The following CAMK1D variants were observed in gnomAD, a reference collection of about 807,000 sequenced individuals.
The protein encoded by CAMK1D is calcium/calmodulin dependent protein kinase ID.
In CAMK1D, 9 loss-of-function variants were observed where a neutral mutation model predicts 47.7. The observed-to-expected ratio is 0.19, with a 90% CI of 0.11 to 0.33. CAMK1D has a LOEUF of 0.33. CAMK1D is among the 10% of genes least tolerant of loss of function. The pLI is 1.00. For missense variants in CAMK1D, 291 were observed against 488.7 expected, an observed-to-expected ratio of 0.60 and a Z score of 3.81; for synonymous variants, 184 against 184.9, an observed-to-expected ratio of 0.99 and a Z score of 0.04.
intron 1 of CAMK1D, among the ~76,000 whole-genome samples, chr10:12,453,664 G>T (rs568582120): frequency 1.3e-5 from 2 of 152,270 alleles, no homozygotes; most frequent in African/African-American, 2.4e-5. Context: ...GGAAACTTTC[G>T]TTGAAATATA....
chr10:12,732,646 G>A (rs1235940678), intron 3 of CAMK1D, among the ~76,000 whole-genome samples: 1 of 150,812 alleles, frequency 6.6e-6, no homozygotes, highest in Non-Finnish European at 1.5e-5. Flanking sequence ...AGGAAAGATG[G>A]GCCCCCATTA....
intron 1 of CAMK1D, among the ~76,000 whole-genome samples, chr10:12,385,530 A>G (rs1838466494): frequency 6.6e-6 from 1 of 152,218 alleles, no homozygotes; most frequent in Non-Finnish European, 1.5e-5. Context: ...TTCCATTTAT[A>G]TAAAATATCC....
intron 2 of CAMK1D, among the ~76,000 whole-genome samples, chr10:12,639,277 G>C (rs1388628510): frequency 6.6e-6 from 1 of 152,168 alleles, no homozygotes; most frequent in Non-Finnish European, 1.5e-5. Flanking sequence ...CCGAGGTCAG[G>C]CGTTCAAGAC....
Position 12,608,069 on chromosome 10 carries a change from A to AT in CAMK1D, c.224+54714dup, listed in dbSNP as rs370737887. On this transcript the variant is annotated intron_variant, in intron 2 of 10. Transcript: ENST00000619168. Reference sequence around the variant, plus strand: ...TATATTTTTGGGAAAGTGAGATTTAATAAAAACAGATTCATCAAAGAAAAT... The same window carrying AT: ...TATATTTTTGGGAAAGTGAGATTTAATTAAAAACAGATTCATCAAAGAAAAT... Among the ~76,000 whole-genome samples, 300 of 152,350 alleles carry AT rather than the reference A, an allele frequency of 2.0e-3. 1 individual carries two copies. The highest frequency in any genetic ancestry group is 7.1e-3 in the African/African-American group (294 of 41,582).
At chr10:12,721,460 T>G (rs1373102996) in intron 3 of CAMK1D, among the ~76,000 whole-genome samples, 1 of 152,202 alleles carries the variant, frequency 6.6e-6, no homozygotes, top group Non-Finnish European at 1.5e-5. Flanking sequence ...ATCCATGGTA[T>G]TAGATGGCTC....
In CAMK1D at chr10:12,573,831, C is replaced by CTTTTTTTTTTTTTTTTTTTTTT. The variant is rs34038018; in HGVS notation, c.224+20479_224+20500dup. Among the ~76,000 whole-genome samples, 6 of 64,090 alleles carry CTTTTTTTTTTTTTTTTTTTTTT rather than the reference C, an allele frequency of 9.4e-5. 2 individuals are homozygous for CTTTTTTTTTTTTTTTTTTTTTT. Among genetic ancestry groups the CTTTTTTTTTTTTTTTTTTTTTT allele is most frequent in the African/African-American group, 3.3e-4 (6 of 18,456 alleles). The allele number at this position is 64,090 out of a possible 152,430, so 42.0% of individuals were successfully genotyped here. ...CACCATGCCTGGCTTATTAAAAAAA[C>CTTTTTTTTTTTTTTTTTTTTTT]TTTTTTTTTTTTTTTTTTTTTTTTT... On this transcript the variant is annotated intron_variant, in intron 2 of 10. Coordinates refer to ENST00000619168, the MANE Select transcript of CAMK1D (RefSeq NM_153498.4).
chr10:12,498,692 T>G (rs6602591), intron 1 of CAMK1D, among the ~76,000 whole-genome samples: 74,334 of 151,830 alleles, frequency 0.49, 19,229 homozygotes, highest in East Asian at 0.8. Flanking sequence ...GGAGTTGGGT[T>G]GTGGGGAGTG....
Position 12,823,707 on chromosome 10 carries a change from C to T in CAMK1D, c.834-758C>T, listed in dbSNP as rs116438675. Among the ~76,000 whole-genome samples, 352 of 152,054 alleles carry T rather than the reference C, an allele frequency of 2.3e-3. 1 individual carries two copies. Among genetic ancestry groups the T allele is most frequent in the African/African-American group, 7.8e-3 (325 of 41,476 alleles). ...GGAATCAGCTAGAGTTAAAGCTTAC[C>T]CGGGGCTGCCAAGGGCTCAGGTGAA... is the stretch of plus-strand genomic sequence containing the variant. On this transcript the variant is annotated intron_variant, in intron 8 of 10. Coordinates refer to ENST00000619168, the MANE Select transcript of CAMK1D (RefSeq NM_153498.4).
chr10:12,569,877 G>A (rs1433107390), intron 2 of CAMK1D, among the ~76,000 whole-genome samples: 2 of 152,050 alleles, frequency 1.3e-5, no homozygotes, highest in African/African-American at 2.4e-5. Context: ...GTAGGTTCAA[G>A]ACTCTACAAG....
intron 1 of CAMK1D, among the ~76,000 whole-genome samples, chr10:12,502,276 A>T (rs1381290751): frequency 6.6e-6 from 1 of 152,192 alleles, no homozygotes; most frequent in Non-Finnish European, 1.5e-5. Flanking sequence ...GGGCAGAGAA[A>T]GGCCAGTCCA....
At position 12,527,631 on chromosome 10, in the gene CAMK1D, T is replaced by G. The variant is rs113698209; in HGVS notation, c.93-25594T>G. Among the ~76,000 whole-genome samples, 670 of 152,318 alleles carry G rather than the reference T, an allele frequency of 4.4e-3. 1 individual carries two copies. Among genetic ancestry groups the G allele is most frequent in the Non-Finnish European group, 7.7e-3 (523 of 68,022 alleles). On this transcript the variant is annotated intron_variant, in intron 1 of 10. Coordinates refer to ENST00000619168, the MANE Select transcript of CAMK1D (RefSeq NM_153498.4). ...CCTCAAATGATCCGCCTGCCTCGGCTTCCCGAATTGCTGGGATTACAGGCG... is the reference window on the plus strand; with the variant it reads ...CCTCAAATGATCCGCCTGCCTCGGCGTCCCGAATTGCTGGGATTACAGGCG...
At chr10:12,613,394 T>C (rs1265169626) in intron 2 of CAMK1D, among the ~76,000 whole-genome samples, 1 of 152,258 alleles carries the variant, frequency 6.6e-6, no homozygotes, top group Admixed American at 6.5e-5. Context: ...CCAGTGTTAT[T>C]GAAAAGCCTG....
intron 1 of CAMK1D, among the ~76,000 whole-genome samples, chr10:12,368,825 T>G (rs1007902510): frequency 7.0e-4 from 106 of 152,132 alleles, no homozygotes; most frequent in Middle Eastern, 3.4e-3. Context: ...ATTTATTTAT[T>G]TATTTATTTT....
chr10:12,608,734 T>C (rs1400900124), intron 2 of CAMK1D, among the ~76,000 whole-genome samples: 3 of 152,270 alleles, frequency 2.0e-5, no homozygotes, highest in Admixed American at 1.3e-4. Context: ...GCGTCTCTTC[T>C]ATCTTTGCTT....
intron 2 of CAMK1D, among the ~76,000 whole-genome samples, chr10:12,610,862 G>T (rs1838597484): frequency 6.6e-6 from 1 of 152,172 alleles, no homozygotes; most frequent in Non-Finnish European, 1.5e-5. Context: ...GATTATGTAT[G>T]CATTGACTTC....
chr10:12,511,864 G>A (rs1835051458), intron 1 of CAMK1D, among the ~76,000 whole-genome samples: 2 of 152,194 alleles, frequency 1.3e-5, no homozygotes, highest in African/African-American at 4.8e-5. Context: ...CCAAGCCAGC[G>A]GCATCTCCAG....
intron 1 of CAMK1D, among the ~76,000 whole-genome samples, chr10:12,355,132 T>G (rs1419629717): frequency 2.0e-5 from 3 of 152,166 alleles, no homozygotes; most frequent in African/African-American, 7.2e-5. Context: ...CACGGGCCAC[T>G]GCACTTAGCT....
chr10:12,658,490 A>G (rs1480227957), intron 2 of CAMK1D, among the ~76,000 whole-genome samples: 3 of 152,108 alleles, frequency 2.0e-5, no homozygotes, highest in African/African-American at 7.2e-5. Context: ...CTCCACCCCC[A>G]GGCCTATGTG....
chr10:12,655,803 C>G (rs75967152), intron 2 of CAMK1D, among the ~76,000 whole-genome samples: 5 of 152,218 alleles, frequency 3.3e-5, no homozygotes, highest in African/African-American at 4.8e-5. Context: ...AAAAGTGGGT[C>G]TTTTCTGTGT....
Sources: gnomAD v4.1 joint callset for allele counts (sites outside exome capture counted in the v4.1 genomes callset) on GRCh38, gnomAD v4.1.1 for gene constraint, MANE v1.5 for transcripts, NCBI Gene and HGNC (gene_info 2026-07-23, HGNC 2026-07-21) for gene names.